Variants in RELCH observed in about 807,000 individuals in gnomAD.
The protein encoded by RELCH is RAB11-binding protein RELCH.
A neutral mutation model predicts 150.3 loss-of-function variants in RELCH; 41 were observed. The observed-to-expected ratio is 0.27, with a 90% CI of 0.21 to 0.35. The LOEUF is 0.35. Ranked by LOEUF, RELCH falls within the 10% of genes least tolerant of loss-of-function variation. The probability of loss-of-function intolerance (pLI) is 1.00; values close to 1 mark genes in which losing one functional copy is unlikely to be tolerated. For missense variants in RELCH, 1,092 were observed against 1,467.8 expected, an observed-to-expected ratio of 0.74 and a Z score of 4.18; for synonymous variants, 478 against 531.8, an observed-to-expected ratio of 0.90 and a Z score of 1.39.
intron 1 of RELCH, among the ~76,000 whole-genome samples, chr18:62,195,220 A>C (rs1440198884): frequency 1.3e-5 from 2 of 152,180 alleles, no homozygotes; most frequent in African/African-American, 2.4e-5. Flanking sequence ...TACTAAATTT[A>C]CATGATGAAC....
intron 27 of RELCH, among the ~76,000 whole-genome samples, chr18:62,294,131 G>A (rs2045289548): frequency 6.6e-6 from 1 of 152,068 alleles, no homozygotes; most frequent in Non-Finnish European, 1.5e-5. Flanking sequence ...TGGGAAAATA[G>A]GTGATATTTC....
At chr18:62,264,911 A>G in intron 18 of RELCH, 59 bp downstream of exon 18, 1 of 1,314,926 alleles carries the variant, frequency 7.6e-7, no homozygotes, top group Non-Finnish European at 1.1e-6. Flanking sequence ...GTAATGTGTT[A>G]ACACTGTAAC....
intron 10 of RELCH, among the ~76,000 whole-genome samples, chr18:62,234,174 A>G (rs1255588875): frequency 6.6e-6 from 1 of 152,018 alleles, no homozygotes; most frequent in Non-Finnish European, 1.5e-5. Flanking sequence ...TGGGCATAAC[A>G]GAACAAAACA....
At chr18:62,218,710 T>A (rs2040639027) in intron 2 of RELCH, among the ~76,000 whole-genome samples, 1 of 152,012 alleles carries the variant, frequency 6.6e-6, no homozygotes, top group South Asian at 2.1e-4. Context: ...CAGTTATTAC[T>A]TTAGTTCTAG....
At chr18:62,284,909 T>C (rs958110678) in intron 25 of RELCH, among the ~76,000 whole-genome samples, 48 of 152,156 alleles carry the variant, frequency 3.2e-4, no homozygotes, top group African/African-American at 1.1e-3. Context: ...TTTTCAGCTA[T>C]TTTACTTAGT....
At chr18:62,303,333 T>C (rs1201838368) in intron 28 of RELCH, among the ~76,000 whole-genome samples, 1 of 152,202 alleles carries the variant, frequency 6.6e-6, no homozygotes, top group African/African-American at 2.4e-5. Flanking sequence ...CCCCTGCAGA[T>C]ATACATTATA....
chr18:62,305,388 C>A lies in RELCH; in HGVS notation c.3531-26C>A. On this transcript the variant is annotated intron_variant, in intron 28 of 28. Transcript: ENST00000644646. This position sits in a 1 kb window ranked among gnomAD's most constrained non-coding sequence, Gnocchi z 4.0. ...AATTTTTATTTTTTTAATTGCTTTA[C>A]ATGAATTTTAAATTTTCTTTCCTAG... 1 of 1,572,798 alleles carries A rather than the reference C, an allele frequency of 6.4e-7. No homozygotes were observed. The highest frequency in any genetic ancestry group is 8.6e-7 in the Non-Finnish European group (1 of 1,164,204).
At chr18:62,277,853 G>A (rs1466100758) in intron 22 of RELCH, 1 of 902,944 alleles carries the variant, frequency 1.1e-6, no homozygotes, top group African/African-American at 1.8e-5. Flanking sequence ...ATGCAGAAAA[G>A]AGCTTCATAT....
chr18:62,220,865 G>A, intron 2 of RELCH, 172 bp from the exon 3 acceptor site: 1 of 633,752 alleles, frequency 1.6e-6, no homozygotes, highest in South Asian at 1.9e-5. Flanking sequence ...CAGTTTGCTT[G>A]CAAATCAACT....
intron 11 of RELCH, among the ~76,000 whole-genome samples, chr18:62,248,236 T>C (rs1600071553): frequency 6.6e-6 from 1 of 152,210 alleles, no homozygotes; most frequent in Admixed American, 6.5e-5. Flanking sequence ...TGCAACCCTT[T>C]AAACTTTTTC....
rs979647115 is a variant in RELCH, at chr18:62,309,717, G to C, written c.*4183G>C. On this transcript the variant is annotated 3_prime_UTR_variant, in exon 29 of 29. Coordinates refer to ENST00000644646, the MANE Select transcript of RELCH (RefSeq NM_001346231.2). Reference sequence around the variant, plus strand: ...TCTGTCCCCCGCATATCTACATGGAGAACTATATTACTATTTTAATTCCTT... The same window carrying C: ...TCTGTCCCCCGCATATCTACATGGACAACTATATTACTATTTTAATTCCTT... 1 of 152,160 alleles carries C rather than the reference G, an allele frequency of 6.6e-6. No homozygotes were observed. The highest frequency in any genetic ancestry group is 2.4e-5 in the African/African-American group (1 of 41,438). 9.4% of individuals were successfully genotyped at this position (152,160 alleles called of 1,614,324 possible).
chr18:62,289,536 T>A (rs143125040), intron 26 of RELCH, among the ~76,000 whole-genome samples: 53 of 152,246 alleles, frequency 3.5e-4, no homozygotes, highest in Middle Eastern at 3.4e-3. Flanking sequence ...TTAAAGGTTT[T>A]TAGGTAGAAG....
Position 62,214,444 on chromosome 18 carries a change from G to A in RELCH, c.616+3202G>A, listed in dbSNP as rs1599859778. The stretch of plus-strand genomic sequence containing the variant: ...CACGTAAACCTCATTAACTCCTCAT[G>A]GTTTGGAGTCTTGTGCCTGCAGCTC... On this transcript the variant is annotated intron_variant, in intron 2 of 28. Coordinates refer to ENST00000644646, the MANE Select transcript of RELCH (RefSeq NM_001346231.2). 3.9e-5 allele frequency among the ~76,000 whole-genome samples: 6 copies of A among 152,246 alleles called. 2 individuals are homozygous for A. The highest frequency in any genetic ancestry group is 3.9e-4 in the Admixed American group (6 of 15,296).
At chr18:62,263,545 G>A (rs1008548676) in intron 16 of RELCH, among the ~76,000 whole-genome samples, 2 of 151,730 alleles carry the variant, frequency 1.3e-5, no homozygotes, top group South Asian at 2.1e-4. Flanking sequence ...ATGTCTATAT[G>A]TCCGTTTATA....
rs2045143367 is a variant in RELCH at position 62,291,646 on chromosome 18, T to C, written c.3459+15T>C. 10 of 1,536,880 alleles carry C rather than the reference T, an allele frequency of 6.5e-6. 1 individual carries two copies. The South Asian group carries it at 1.0e-4, about 16-fold the overall frequency. ...CAGAGCATGAGGTGAGCCACTGTGA[T>C]TACCAGTGCCATATTCATGTTTTAA... is the stretch of plus-strand genomic sequence containing the variant. On this transcript the variant is annotated intron_variant, in intron 27 of 28. Coordinates refer to ENST00000644646, the MANE Select transcript of RELCH (RefSeq NM_001346231.2).
At chr18:62,189,153 A>T (rs1052506760) in intron 1 of RELCH, among the ~76,000 whole-genome samples, 1 of 151,996 alleles carries the variant, frequency 6.6e-6, no homozygotes, top group Non-Finnish European at 1.5e-5. Flanking sequence ...AATATGTAGG[A>T]TAATCTTCTT....
At chr18:62,247,519 T>C (rs980116850) in intron 11 of RELCH, 3 of 151,830 alleles carry the variant, frequency 2.0e-5, no homozygotes, top group African/African-American at 4.8e-5. Context: ...CTATTGAAAA[T>C]TGAATCCATG....
At chr18:62,276,299 A>T (rs2044204924) in intron 22 of RELCH, among the ~76,000 whole-genome samples, 1 of 152,122 alleles carries the variant, frequency 6.6e-6, no homozygotes, top group Non-Finnish European at 1.5e-5. Flanking sequence ...TAGTTTCCTC[A>T]TGTACAAAAG....
Position 62,295,728 on chromosome 18 carries a change from T to C in RELCH, c.3460-3062T>C, listed in dbSNP as rs144662564. The stretch of plus-strand genomic sequence containing the variant: ...CTGGGACTACAGGCATGCACCACCA[T>C]GCCAAGCTAATTTTTTGTATTTTTA... On this transcript the variant is annotated intron_variant, in intron 27 of 28. Transcript: ENST00000644646. Among the ~76,000 whole-genome samples, 1,282 of 152,100 alleles carry C rather than the reference T, an allele frequency of 8.4e-3. 5 individuals are homozygous for C. The highest frequency in any genetic ancestry group is 0.012 in the Non-Finnish European group (802 of 67,962).
Sources: gnomAD v4.1 joint callset for allele counts (sites outside exome capture counted in the v4.1 genomes callset) on GRCh38, gnomAD v4.1.1 for gene constraint, Gnocchi (gnomAD v3.1) non-coding constraint, MANE v1.5 for transcripts, NCBI Gene and HGNC (gene_info 2026-07-23, HGNC 2026-07-21) for gene names.